SFSWAP: variants seen among roughly 807,000 people sequenced by gnomAD.
The protein encoded by SFSWAP is splicing factor SWAP.
In SFSWAP, 17 loss-of-function variants were observed where a neutral mutation model predicts 100.7. The observed-to-expected ratio is 0.17, with a 90% CI of 0.12 to 0.25. The LOEUF is 0.25. SFSWAP is among the 10% of genes least tolerant of loss of function. SFSWAP has a pLI of 1.00. For synonymous variants in SFSWAP, 504 were observed against 510.1 expected (o/e 0.99, Z 0.16); for missense variants, 1,005 against 1,262.6 (o/e 0.80, Z 3.09).
chr12:131,758,874 G>A (rs975175558), intron 11 of SFSWAP, among the ~76,000 whole-genome samples: 5 of 152,130 alleles, frequency 3.3e-5, no homozygotes, highest in East Asian at 1.9e-4. Flanking sequence ...CACTTAAGCC[G>A]GGGAGATAGA....
Position 131,725,588 on chromosome 12 carries a change from C to T in SFSWAP, c.790C>T (p.Arg264Cys), listed in dbSNP as rs771332238. 3.1e-6 allele frequency: 5 copies of T among 1,613,986 alleles called. No individual in the cohort carries two copies. Among genetic ancestry groups the T allele is most frequent in the African/African-American group, 2.7e-5 (2 of 74,878 alleles). Residue 264 changes from arginine (R) to cysteine (C), a missense_variant, in exon 5 of 18, where the codon CGC becomes TGC. Arg to Cys is a radical substitution (Grantham distance 180). Transcript: ENST00000261674. The surrounding 1 kb of genome is among the most constrained non-coding windows in gnomAD (Gnocchi z 4.3). ...CATCCAGAAAGCCATGAAAGAGGGA[C>T]GCTACACTGTCCTGGCAGAAAACAA... ...KFIQKAMKEG[R>C]YTVLAENKSD...
At chr12:131,741,398 G>C (rs185027261) in intron 7 of SFSWAP, among the ~76,000 whole-genome samples, 1 of 152,194 alleles carries the variant, frequency 6.6e-6, no homozygotes. Flanking sequence ...CACTTTGGGA[G>C]GCCAAGGTGG....
rs769562092 is a variant in SFSWAP, at chr12:131,754,547, C to T, written c.1454+48C>T. The T allele has an allele frequency of 1.5e-5, 18 of 1,240,060 alleles. No individual in the cohort carries two copies. The Middle Eastern group carries it at 1.1e-3, about 76-fold the overall frequency. 76.8% of individuals were successfully genotyped at this position (1,240,060 alleles called of 1,614,324 possible). ...TTAGGTATATGGCATTTGGGGGTTT[C>T]GTTTAGCCTTTTTTTAAAAAAATGT... On this transcript the variant is annotated intron_variant, in intron 9 of 17. Transcript: ENST00000261674.
intron 5 of SFSWAP, among the ~76,000 whole-genome samples, chr12:131,726,490 G>A (rs1236034627): frequency 2.0e-5 from 3 of 152,232 alleles, no homozygotes; most frequent in Admixed American, 1.3e-4. Context: ...GATTACAGGC[G>A]TGAGCCACTG....
intron 7 of SFSWAP, among the ~76,000 whole-genome samples, chr12:131,735,818 G>A (rs908860182): frequency 2.0e-5 from 3 of 152,212 alleles, no homozygotes; most frequent in African/African-American, 7.2e-5. Context: ...GCTTTTTAAA[G>A]CAGCTGACTT....
intron 7 of SFSWAP, among the ~76,000 whole-genome samples, chr12:131,731,995 C>A (rs1294065909): frequency 6.8e-6 from 1 of 147,918 alleles, no homozygotes; most frequent in Non-Finnish European, 1.5e-5. Flanking sequence ...CTGCAGCCTC[C>A]ACCTCCTGGG....
At chr12:131,785,299 G>A in intron 14 of SFSWAP, 7 of 1,409,030 alleles carry the variant, frequency 5.0e-6, no homozygotes, top group South Asian at 2.6e-5. Context: ...AAATCAAAAC[G>A]ATTCTGTCCG....
chr12:131,776,386 G>A (rs186718324), intron 13 of SFSWAP, among the ~76,000 whole-genome samples: 212 of 152,308 alleles, frequency 1.4e-3, no homozygotes, highest in Admixed American at 1.3e-3. Context: ...ACAGCAAGGA[G>A]GCTGAACAGA....
chr12:131,781,104 A>G (rs945364110), intron 14 of SFSWAP, among the ~76,000 whole-genome samples: 2 of 152,220 alleles, frequency 1.3e-5, no homozygotes, highest in Non-Finnish European at 2.9e-5. Flanking sequence ...TGACTGGTCT[A>G]TAGTAGAAAA....
rs543325296 is a variant in SFSWAP, at chr12:131,747,514, G to T, written c.1082-5609G>T. 4.0e-3 allele frequency among the ~76,000 whole-genome samples: 607 copies of T among 152,334 alleles called. 3 individuals are homozygous for T. The highest frequency in any genetic ancestry group is 0.014 in the Middle Eastern group (4 of 294). ...GCTTCCCAGACAAGGGACTTAGCTT[G>T]ACCCTGGTTGAGAGAGGTCGCCATG... is the stretch of plus-strand genomic sequence containing the variant. On this transcript the variant is annotated intron_variant, in intron 7 of 17. Transcript: ENST00000261674.
Position 131,799,079 on chromosome 12 carries a change from C to G in SFSWAP, c.2760C>G (p.Ile920Met). The G allele has an allele frequency of 6.2e-7, 1 of 1,614,076 alleles. No homozygotes were observed. The highest frequency in any genetic ancestry group is 8.5e-7 in the Non-Finnish European group (1 of 1,179,930). Residue 920 changes from isoleucine (I) to methionine (M), a missense_variant, in exon 17 of 18, where the codon ATC becomes ATG. Ile to Met is a conservative substitution (Grantham distance 10). This residue lies in a region of SFSWAP where 295 missense variants were observed against 347.9 expected (regional missense o/e 0.85). Transcript: ENST00000261674. ...AAGAAGCCCAGATCTCTTCAGCAAT[C>G]GTTTCTTCCGTGCAGAGCAAAATCA... is the stretch of plus-strand genomic sequence containing the variant. ...QEKEAQISSA[I>M]VSSVQSKITQ...
At position 131,766,337 on chromosome 12, in the gene SFSWAP, CGGGGCTGTGTGATACATAGA is replaced by C. The variant is rs755144942; in HGVS notation, c.2142+32_2142+51del. 36 of 1,596,376 alleles carry C rather than the reference CGGGGCTGTGTGATACATAGA, an allele frequency of 2.3e-5. No individual in the cohort carries two copies. The African/African-American group carries it at 3.6e-4, about 16-fold the overall frequency. Reference sequence around the variant, plus strand: ...TAGTAAAATCCCACATTGGTATCTGCGGGGCTGTGTGATACATAGAGGCAGGGAGGATGTGTCTCCCTCCA... The same window carrying C: ...TAGTAAAATCCCACATTGGTATCTGCGGCAGGGAGGATGTGTCTCCCTCCA... On this transcript the variant is annotated intron_variant, in intron 13 of 17. Coordinates refer to ENST00000261674, the MANE Select transcript of SFSWAP (RefSeq NM_004592.4).
chr12:131,715,031 G>A, intron 3 of SFSWAP, 78 bp downstream of exon 3: 3 of 1,462,426 alleles, frequency 2.1e-6, no homozygotes, highest in Non-Finnish European at 2.9e-6. Context: ...GGTCCAGTCT[G>A]CAGAACACAT....
In SFSWAP at chr12:131,754,517, A is replaced by G. The variant is rs368006836; in HGVS notation, c.1454+18A>G. 7 of 1,527,236 alleles carry G rather than the reference A, an allele frequency of 4.6e-6. No individual in the cohort carries two copies. In the African/African-American group the frequency reaches 8.4e-5, roughly 18 times the overall value. 94.6% of individuals were successfully genotyped at this position (1,527,236 alleles called of 1,614,324 possible). On this transcript the variant is annotated intron_variant, in intron 9 of 17. Transcript: ENST00000261674. ...GATCAAAGGTCAGAAGAAGAATTTT[A>G]TATGTTAGGTATATGGCATTTGGGG...
chr12:131,792,715 C>T (rs1351525091), intron 15 of SFSWAP, among the ~76,000 whole-genome samples: 1 of 152,270 alleles, frequency 6.6e-6, no homozygotes, highest in Non-Finnish European at 1.5e-5. Flanking sequence ...CTCTCAAGAA[C>T]ATAGATGCAA....
Position 131,711,375 on chromosome 12 carries a change from A to G in SFSWAP, c.146A>G (p.Glu49Gly), listed in dbSNP as rs556358427. 21 of 1,613,928 alleles carry G rather than the reference A, an allele frequency of 1.3e-5. 1 individual carries two copies. The South Asian group carries it at 2.2e-4, about 17-fold the overall frequency. Residue 49 changes from glutamate to glycine, a missense_variant, in exon 1 of 18, where the codon GAG becomes GGG. Physicochemically the swap from Glu to Gly is moderately conservative, Grantham distance 98. Coordinates refer to ENST00000261674, the MANE Select transcript of SFSWAP (RefSeq NM_004592.4). The surrounding 1 kb of genome is among the most constrained non-coding windows in gnomAD (Gnocchi z 4.9). ...GCCTGCAAGCTGTTCCGGGACGACG[A>G]GCGGGCCCTGGCTCAGGAACAGGGA... Reference protein sequence around the residue: ...GYACKLFRDDERALAQEQGQH... With the variant: ...GYACKLFRDDGRALAQEQGQH...
intron 13 of SFSWAP, among the ~76,000 whole-genome samples, chr12:131,771,869 G>GC (rs1483346086): frequency 1.3e-5 from 2 of 152,028 alleles, no homozygotes; most frequent in Non-Finnish European, 2.9e-5. Context: ...CACCATGTTG[G>GC]CCAGGATGGT....
chr12:131,730,174 G>A lies in SFSWAP; in HGVS notation c.1081+1746G>A, dbSNP rs891556109. Among the ~76,000 whole-genome samples the A allele has an allele frequency of 6.6e-6, 1 of 152,136 alleles. No individual in the cohort carries two copies. Among genetic ancestry groups the A allele is most frequent in the Non-Finnish European group, 1.5e-5 (1 of 68,034 alleles). On this transcript the variant is annotated intron_variant, in intron 7 of 17. Transcript: ENST00000261674. The surrounding 1 kb of genome is among the most constrained non-coding windows in gnomAD (Gnocchi z 4.0). The stretch of plus-strand genomic sequence containing the variant: ...TCACTGCATGGATTTTTGGATAGAC[G>A]GCCGCACACCTTTAAGTCTTGAGCC...
chr12:131,789,373 A>G lies in SFSWAP; in HGVS notation c.2534+2785A>G, dbSNP rs571028895. On this transcript the variant is annotated intron_variant, in intron 15 of 17. Coordinates refer to ENST00000261674, the MANE Select transcript of SFSWAP (RefSeq NM_004592.4). ...ATAGGCAAGTTTTTAAAATAGTACAATGGGGCCAGATTCAGTAGCTCACAC... is the reference window on the plus strand; with the variant it reads ...ATAGGCAAGTTTTTAAAATAGTACAGTGGGGCCAGATTCAGTAGCTCACAC... 7.0e-4 allele frequency among the ~76,000 whole-genome samples: 106 copies of G among 152,256 alleles called. 1 individual carries two copies. The highest frequency in any genetic ancestry group is 2.4e-3 in the African/African-American group (101 of 41,558).
Sources: gnomAD v4.1 joint callset for allele counts (sites outside exome capture counted in the v4.1 genomes callset) on GRCh38, gnomAD v4.1.1 for gene constraint, gnomAD v4.1.1 regional missense constraint, Gnocchi (gnomAD v3.1) non-coding constraint, MANE v1.5 for transcripts, NCBI Gene and HGNC (gene_info 2026-07-23, HGNC 2026-07-21) for gene names.